Variants in LINGO2 observed in about 807,000 individuals in gnomAD.
LINGO2 encodes the protein leucine rich repeat and Ig domain containing 2.
LINGO2 carries 14 observed loss-of-function variants against 30.6 expected under a neutral mutation model. The ratio of observed to expected loss-of-function variants is 0.46; its 90% CI spans 0.30 to 0.72. The LOEUF (loss-of-function observed/expected upper bound fraction) is 0.72. LINGO2 is among the 30% of genes least tolerant of loss of function. LINGO2 has a pLI of 0.07. For synonymous variants in LINGO2, 317 were observed against 288.5 expected, an observed-to-expected ratio of 1.10 and a Z score of -1.00; for missense variants, 729 against 751.7, an observed-to-expected ratio of 0.97 and a Z score of 0.35.
Position 28,482,545 on chromosome 9 carries a change from T to C in LINGO2, c.-364-6520A>G, listed in dbSNP as rs1249914885. Among the ~76,000 whole-genome samples, 20 of 152,282 alleles carry C rather than the reference T, an allele frequency of 1.3e-4. No individual in the cohort carries two copies. In the South Asian group the frequency reaches 3.5e-3, roughly 27 times the overall value. The stretch of plus-strand genomic sequence containing the variant: ...ATTAGCCCTTTGTCAGATGAGTAGG[T>C]TGTGAAAATTTTCTCCCATTTTGCA... On this transcript the variant is annotated intron_variant, in intron 1 of 5. Transcript: ENST00000379992.
At chr9:28,268,203 C>G (rs976176563) in intron 4 of LINGO2, among the ~76,000 whole-genome samples, 4 of 152,008 alleles carry the variant, frequency 2.6e-5, no homozygotes, top group African/African-American at 9.7e-5. Context: ...TGTAGCCATT[C>G]CTCTAATGCG....
intron 4 of LINGO2, among the ~76,000 whole-genome samples, chr9:28,240,779 A>T (rs78450318): frequency 0.029 from 4,455 of 152,286 alleles, 103 homozygotes; most frequent in Non-Finnish European, 0.041. Context: ...AACGAAAGAA[A>T]ACATGGACAA....
At chr9:27,986,499 CT>C (rs891631307) in intron 5 of LINGO2, among the ~76,000 whole-genome samples, 6 of 151,712 alleles carry the variant, frequency 4.0e-5, no homozygotes, top group African/African-American at 1.2e-4. Context: ...GGAGTAGGGC[CT>C]TTAGGAGTGG....
the LINGO2 span, among the ~76,000 whole-genome samples, chr9:29,040,444 T>C: frequency 2.0e-5 from 3 of 151,994 alleles, no homozygotes; most frequent in Admixed American, 2.0e-4. Flanking sequence ...AGAAAATTGA[T>C]TTACAGCATA....
At chr9:28,095,155 C>G (rs891300975) in intron 4 of LINGO2, among the ~76,000 whole-genome samples, 1 of 152,084 alleles carries the variant, frequency 6.6e-6, no homozygotes, top group African/African-American at 2.4e-5. Context: ...TTCAGTGTGA[C>G]TCCCAAAAAC....
chr9:28,699,084 C>T, the LINGO2 span, among the ~76,000 whole-genome samples: 109 of 139,536 alleles, frequency 7.8e-4, no homozygotes, highest in African/African-American at 2.6e-3. Flanking sequence ...ACAAAAACAC[C>T]GAACTGGTAC....
At chr9:28,971,096 C>T in the LINGO2 span, among the ~76,000 whole-genome samples, 4 of 152,050 alleles carry the variant, frequency 2.6e-5, no homozygotes, top group Non-Finnish European at 5.9e-5. Flanking sequence ...TGTTCCAGGC[C>T]CAAGTTCCTG....
At chr9:28,312,277 A>G (rs1824656342) in intron 3 of LINGO2, among the ~76,000 whole-genome samples, 1 of 151,648 alleles carries the variant, frequency 6.6e-6, no homozygotes, top group South Asian at 2.1e-4. Context: ...ACTTTGAAAT[A>G]AAACTTTGAC....
At chr9:29,043,839 G>A in the LINGO2 span, among the ~76,000 whole-genome samples, 1 of 151,940 alleles carries the variant, frequency 6.6e-6, no homozygotes, top group African/African-American at 2.4e-5. Context: ...AGATTGACTG[G>A]AAAGAACCTC....
intron 4 of LINGO2, among the ~76,000 whole-genome samples, chr9:28,158,118 C>A (rs1287108089): frequency 6.6e-6 from 1 of 152,142 alleles, no homozygotes; most frequent in Non-Finnish European, 1.5e-5. Context: ...TAAAGACATG[C>A]CCAGTCCTTC....
intron 1 of LINGO2, among the ~76,000 whole-genome samples, chr9:28,662,535 G>T (rs1297886804): frequency 6.6e-6 from 1 of 152,132 alleles, no homozygotes; most frequent in Non-Finnish European, 1.5e-5. Flanking sequence ...TGTCATTGCT[G>T]CCTATATGCT....
chr9:27,963,934 G>C (rs982407049), intron 5 of LINGO2, among the ~76,000 whole-genome samples: 1 of 152,016 alleles, frequency 6.6e-6, no homozygotes, highest in African/African-American at 2.4e-5. Flanking sequence ...GAGCAAGTCT[G>C]GAAAATCACC....
At chr9:28,588,394 ATCCAGTAGG>A (rs1201626115) in intron 1 of LINGO2, among the ~76,000 whole-genome samples, 1 of 152,016 alleles carries the variant, frequency 6.6e-6, no homozygotes, top group Admixed American at 6.6e-5. Flanking sequence ...CAGACTTGTT[ATCCAGTAGG>A]ATAACAATGG....
intron 1 of LINGO2, among the ~76,000 whole-genome samples, chr9:28,660,159 A>T (rs1043408094): frequency 1.3e-5 from 2 of 152,180 alleles, no homozygotes; most frequent in Non-Finnish European, 2.9e-5. Context: ...CACCTATATT[A>T]TTGTGAAAGT....
chr9:28,725,992 G>A, the LINGO2 span, among the ~76,000 whole-genome samples: 1 of 151,990 alleles, frequency 6.6e-6, no homozygotes. Flanking sequence ...TAAAACATGT[G>A]CCAAAATATT....
At chr9:29,034,429 C>A in the LINGO2 span, among the ~76,000 whole-genome samples, 1 of 151,960 alleles carries the variant, frequency 6.6e-6, no homozygotes, top group African/African-American at 2.4e-5. Flanking sequence ...ATTGCGTGAC[C>A]TTGGACAAGT....
the LINGO2 span, among the ~76,000 whole-genome samples, chr9:29,020,212 G>A: frequency 6.6e-6 from 1 of 152,116 alleles, no homozygotes; most frequent in Admixed American, 6.5e-5. Context: ...TATCTCCTTG[G>A]CAAAGAAATG....
rs551058847 is a variant in LINGO2, at chr9:28,042,740, TATC to T, written c.-86-30338_-86-30336del. Among the ~76,000 whole-genome samples the T allele has an allele frequency of 3.0e-4, 45 of 152,322 alleles. No homozygotes were observed. In the East Asian group the frequency reaches 7.9e-3, roughly 27 times the overall value. On this transcript the variant is annotated intron_variant, in intron 4 of 5. Coordinates refer to ENST00000379992, the Ensembl canonical transcript of LINGO2. ...TGCTTCATTCATGTTCTGCAATCAATATCATCTTATATTCTTTATTCTTCCCCT... is the reference window on the plus strand; with the variant it reads ...TGCTTCATTCATGTTCTGCAATCAATATCTTATATTCTTTATTCTTCCCCT...
chr9:28,687,428 G>A, the LINGO2 span, among the ~76,000 whole-genome samples: 1 of 152,132 alleles, frequency 6.6e-6, no homozygotes, highest in African/African-American at 2.4e-5. Flanking sequence ...GAAATTCCTT[G>A]GTCATTCTTA....
Sources: gnomAD v4.1 joint callset for allele counts (sites outside exome capture counted in the v4.1 genomes callset) on GRCh38, gnomAD v4.1.1 for gene constraint, MANE v1.5 for transcripts, NCBI Gene and HGNC (gene_info 2026-07-23, HGNC 2026-07-21) for gene names.